The following PCDHGA5 variants were observed in gnomAD, a reference collection of about 807,000 sequenced individuals.
PCDHGA5 encodes protocadherin gamma-A5.
PCDHGA5 carries 36 observed loss-of-function variants against 56.7 expected under a neutral mutation model. That is an observed-to-expected ratio of 0.64 (90% CI 0.49 to 0.84). The LOEUF (loss-of-function observed/expected upper bound fraction) is 0.84. Among genes scored for constraint, PCDHGA5 ranks in the 40% least tolerant of loss-of-function variants. PCDHGA5 has a pLI of 0.00. For missense variants in PCDHGA5, 1,305 were observed against 1,201.5 expected, an observed-to-expected ratio of 1.09 and a Z score of -1.27; for synonymous variants, 563 against 520.2, an observed-to-expected ratio of 1.08 and a Z score of -1.12.
At chr5:141,403,624 C>T (rs1269483770) in intron 1 of PCDHGA5, 3 of 1,613,924 alleles carry the variant, frequency 1.9e-6, no homozygotes. Context: ...GTCGCTCCAG[C>T]ACAGTGCGCA....
rs780383828 is a variant in PCDHGA5, at chr5:141,422,708, A to G, written c.2421+55957A>G. ...GCCCTGGTCACTTACTCTCTGACGGATGACACTGTCCAGGGGGTGCCTCTG... is the reference window on the plus strand; with the variant it reads ...GCCCTGGTCACTTACTCTCTGACGGGTGACACTGTCCAGGGGGTGCCTCTG... On this transcript the variant is annotated intron_variant, in intron 1 of 3. Transcript: ENST00000518069. 28 of 1,603,464 alleles carry G rather than the reference A, an allele frequency of 1.7e-5. No individual in the cohort carries two copies. The East Asian group carries it at 3.8e-4, about 22-fold the overall frequency.
At chr5:141,406,649 G>A (rs1447190497) in intron 1 of PCDHGA5, among the ~76,000 whole-genome samples, 2 of 152,098 alleles carry the variant, frequency 1.3e-5, no homozygotes, top group African/African-American at 2.4e-5. Flanking sequence ...ATTTCCTAAT[G>A]CTTTAATGTT....
At chr5:141,400,234 G>T (rs749957043) in intron 1 of PCDHGA5, 6 of 1,613,868 alleles carry the variant, frequency 3.7e-6, no homozygotes, top group African/African-American at 1.3e-5. Context: ...CCTCCTGGCC[G>T]TGATTCTGGC....
At position 141,485,396 on chromosome 5, in the gene PCDHGA5, T is replaced by C. The variant is rs1466959644; in HGVS notation, c.2422-9411T>C. 2.5e-6 allele frequency: 4 copies of C among 1,614,042 alleles called. No homozygotes were observed. Among genetic ancestry groups the C allele is most frequent in the Non-Finnish European group, 3.4e-6 (4 of 1,179,960 alleles). On this transcript the variant is annotated intron_variant, in intron 1 of 3. Coordinates refer to ENST00000518069, the MANE Select transcript of PCDHGA5 (RefSeq NM_018918.3). The surrounding 1 kb of genome is among the most constrained non-coding windows in gnomAD (Gnocchi z 5.7). ...CGCTGGAGAGGTGAACCAAAGACAC[T>C]TCCGTGTGGATTTGGACAGCGGAGC...
At chr5:141,447,824 G>A (rs926580893) in intron 1 of PCDHGA5, among the ~76,000 whole-genome samples, 7 of 152,034 alleles carry the variant, frequency 4.6e-5, no homozygotes, top group Admixed American at 1.3e-4. Flanking sequence ...GGTGGCTCAC[G>A]CCTGTAATCC....
At chr5:141,394,945 T>A in intron 1 of PCDHGA5, 1 of 1,613,892 alleles carries the variant, frequency 6.2e-7, no homozygotes, top group African/African-American at 1.3e-5. Context: ...GTCGCTGTGC[T>A]TCTGGGGCTC....
chr5:141,428,177 G>A lies in PCDHGA5; in HGVS notation c.2421+61426G>A, dbSNP rs754811645. The A allele has an allele frequency of 1.4e-5, 21 of 1,510,058 alleles. 1 individual carries two copies. The South Asian group carries it at 1.7e-4, about 12-fold the overall frequency. The allele number at this position is 1,510,058 out of a possible 1,614,324, so 93.5% of individuals were successfully genotyped here. ...CCTGCTGGTTGCTGTGCGTGACGGA[G>A]GACAGCCGCCGCTCTCTGCGCCGCT... On this transcript the variant is annotated intron_variant, in intron 1 of 3. Coordinates refer to ENST00000518069, the MANE Select transcript of PCDHGA5 (RefSeq NM_018918.3).
intron 1 of PCDHGA5, among the ~76,000 whole-genome samples, chr5:141,437,364 T>G (rs1026384836): frequency 6.6e-6 from 1 of 152,232 alleles, no homozygotes; most frequent in Non-Finnish European, 1.5e-5. Context: ...AAAATTGGAA[T>G]GTAATCAGTC....
At chr5:141,449,467 C>G (rs1356192128) in intron 1 of PCDHGA5, among the ~76,000 whole-genome samples, 1 of 150,842 alleles carries the variant, frequency 6.6e-6, no homozygotes, top group South Asian at 2.1e-4. Flanking sequence ...ATTAGCCAGG[C>G]CTGGTACCCC....
intron 1 of PCDHGA5, among the ~76,000 whole-genome samples, chr5:141,473,759 C>G (rs989399714): frequency 3.3e-5 from 5 of 152,158 alleles, no homozygotes; most frequent in African/African-American, 1.2e-4. Flanking sequence ...GGATACTATG[C>G]AAAGGATTTG....
chr5:141,440,328 T>G (rs1311315077), intron 1 of PCDHGA5: 1 of 152,102 alleles, frequency 6.6e-6, no homozygotes. Context: ...TTACTGGGCA[T>G]GGTGGTGCAG....
Position 141,365,192 on chromosome 5 carries a change from A to C in PCDHGA5, c.862A>C (p.Ile288Leu). The C allele has an allele frequency of 6.2e-7, 1 of 1,613,930 alleles. No individual in the cohort carries two copies. Among genetic ancestry groups the C allele is most frequent in the South Asian group, 1.1e-5 (1 of 91,088 alleles). ...TYSFRNEEEK[I>L]SETFQLDSNL... The stretch of plus-strand genomic sequence containing the variant: ...CTCTTTTCGCAATGAAGAAGAAAAA[A>C]TTTCGGAGACTTTCCAACTTGATTC... The change falls in exon 1 of 4, where the codon ATT (isoleucine) becomes CTT (leucine). Residue 288 changes from isoleucine to leucine, a missense_variant. Coordinates refer to ENST00000518069, the MANE Select transcript of PCDHGA5 (RefSeq NM_018918.3).
chr5:141,370,214 C>T (rs988145754), intron 1 of PCDHGA5: 21 of 565,608 alleles, frequency 3.7e-5, no homozygotes, highest in African/African-American at 3.8e-5. Context: ...ATTGGCTCCT[C>T]CCGCTGCAGC....
At chr5:141,395,251 T>G (rs2093205315) in intron 1 of PCDHGA5, 2 of 1,557,062 alleles carry the variant, frequency 1.3e-6, no homozygotes, top group Non-Finnish European at 1.7e-6. Context: ...AGTTTAGTTC[T>G]TTGCTTGCTT....
intron 1 of PCDHGA5, chr5:141,390,447 G>A: frequency 1.2e-6 from 1 of 843,848 alleles, no homozygotes; most frequent in Non-Finnish European, 1.8e-6. Flanking sequence ...TACAAAGGAG[G>A]AGTAAAGTAG....
chr5:141,511,304 CTTGGGAAA>C lies in PCDHGA5; in HGVS notation c.*132_*139del. ...TGGTAGGGGCCAAGGCCATGCTCCC[CTTGGGAAA>C]CAGAAACAAGTGCCCAGTCAGCACC... is the stretch of plus-strand genomic sequence containing the variant. On this transcript the variant is annotated 3_prime_UTR_variant, in exon 4 of 4. Transcript: ENST00000518069. The C allele has an allele frequency of 2.0e-6, 3 of 1,490,438 alleles. No individual in the cohort carries two copies. The South Asian group carries it at 4.0e-5, about 20-fold the overall frequency. 92.3% of individuals were successfully genotyped at this position (1,490,438 alleles called of 1,614,324 possible). A position where few individuals can be genotyped will look rare whatever the true frequency, so the allele number is the denominator to read the frequency against.
At chr5:141,370,756 T>G in intron 1 of PCDHGA5, 1 of 1,613,974 alleles carries the variant, frequency 6.2e-7, no homozygotes, top group Non-Finnish European at 8.5e-7. Flanking sequence ...CATGTAACTG[T>G]GCTGATCCAG....
At chr5:141,469,770 A>G (rs1003620088) in intron 1 of PCDHGA5, among the ~76,000 whole-genome samples, 4 of 152,234 alleles carry the variant, frequency 2.6e-5, no homozygotes, top group Non-Finnish European at 5.9e-5. Flanking sequence ...ATACCAGCTT[A>G]TTTATTACAG....
Position 141,490,849 on chromosome 5 carries a change from C to A in PCDHGA5, c.2422-3958C>A, listed in dbSNP as rs200640560. The A allele has an allele frequency of 6.2e-7, 1 of 1,613,748 alleles. No individual in the cohort carries two copies. Among genetic ancestry groups the A allele is most frequent in the Non-Finnish European group, 8.5e-7 (1 of 1,179,862 alleles). On this transcript the variant is annotated intron_variant, in intron 1 of 3. Coordinates refer to ENST00000518069, the MANE Select transcript of PCDHGA5 (RefSeq NM_018918.3). This position sits in a 1 kb window ranked among gnomAD's most constrained non-coding sequence, Gnocchi z 5.4. ...GATGCTGCAGATTGTGGTGGGGGTT[C>A]GAGACTCCGGCTCTCCCCCATTGCA...
Sources: gnomAD v4.1 joint callset for allele counts (sites outside exome capture counted in the v4.1 genomes callset) on GRCh38, gnomAD v4.1.1 for gene constraint, Gnocchi (gnomAD v3.1) non-coding constraint, MANE v1.5 for transcripts, NCBI Gene and HGNC (gene_info 2026-07-23, HGNC 2026-07-21) for gene names.